ACSS3: variants seen among roughly 807,000 people sequenced by gnomAD.
ACSS3 encodes acyl-CoA synthetase short chain family member 3, also known as acyl-CoA synthetase short-chain family member 3, mitochondrial.
ACSS3 carries 64 observed loss-of-function variants against 84.2 expected under a neutral mutation model. The ratio of observed to expected loss-of-function variants is 0.76; its 90% CI spans 0.62 to 0.94. The LOEUF (loss-of-function observed/expected upper bound fraction) is 0.94, where lower values mean the gene tolerates loss of function less well. Among genes scored for constraint, ACSS3 ranks in the 40% least tolerant of loss-of-function variants. ACSS3 has a pLI of 0.00. For missense variants in ACSS3, 815 were observed against 867.6 expected (o/e 0.94, Z 0.76); for synonymous variants, 317 against 310.1 (o/e 1.02, Z -0.23).
At chr12:81,105,117 A>G (rs34429601) in intron 1 of ACSS3, among the ~76,000 whole-genome samples, 53,370 of 152,116 alleles carry the variant, frequency 0.35, 11,877 homozygotes, top group Non-Finnish European at 0.5. Context: ...TTCACTCTGA[A>G]TAAGAAAAAC....
At chr12:81,165,650 A>AT (rs1887367014) in intron 7 of ACSS3, among the ~76,000 whole-genome samples, 2 of 137,894 alleles carry the variant, frequency 1.5e-5, no homozygotes, top group South Asian at 4.7e-4. Flanking sequence ...TGTCTCAAAA[A>AT]GAAAAAAAAA....
At chr12:81,090,798 C>A (rs911585781) in intron 1 of ACSS3, among the ~76,000 whole-genome samples, 5 of 151,938 alleles carry the variant, frequency 3.3e-5, no homozygotes, top group African/African-American at 1.2e-4. Context: ...ATATATACTG[C>A]AAGTAGGGAA....
At chr12:81,253,869 G>T (rs957651320) in intron 15 of ACSS3, among the ~76,000 whole-genome samples, 199 bp downstream of exon 15, 9 of 152,088 alleles carry the variant, frequency 5.9e-5, no homozygotes, top group African/African-American at 2.2e-4. Context: ...AAGAAACTCA[G>T]ATTAGTTAAG....
intron 7 of ACSS3, among the ~76,000 whole-genome samples, chr12:81,162,059 A>T (rs544866281): frequency 1.3e-5 from 2 of 152,286 alleles, no homozygotes; most frequent in South Asian, 2.1e-4. Context: ...TAACATGACA[A>T]GCAGGGACGG....
intron 2 of ACSS3, among the ~76,000 whole-genome samples, chr12:81,132,806 T>C (rs1297195127): frequency 6.6e-6 from 1 of 152,140 alleles, no homozygotes; most frequent in African/African-American, 2.4e-5. Flanking sequence ...TTCAAGATGC[T>C]GAAGTCACAG....
At chr12:81,197,480 C>A (rs1399479032) in intron 8 of ACSS3, among the ~76,000 whole-genome samples, 1 of 152,032 alleles carries the variant, frequency 6.6e-6, no homozygotes, top group East Asian at 1.9e-4. Flanking sequence ...CTTTGTAATA[C>A]CCTCTCCCCA....
chr12:81,216,363 A>G (rs1245716858), intron 9 of ACSS3, among the ~76,000 whole-genome samples: 4 of 152,070 alleles, frequency 2.6e-5, no homozygotes, highest in Admixed American at 6.6e-5. Flanking sequence ...TGACGATATT[A>G]TCCATATATT....
chr12:81,175,830 G>C (rs2030430011), intron 8 of ACSS3, among the ~76,000 whole-genome samples: 1 of 152,148 alleles, frequency 6.6e-6, no homozygotes, highest in South Asian at 2.1e-4. Flanking sequence ...CAATATACCA[G>C]ATTCTCTGGG....
chr12:81,127,983 AT>A (rs1205536895), intron 2 of ACSS3, among the ~76,000 whole-genome samples: 1 of 152,100 alleles, frequency 6.6e-6, no homozygotes, highest in Non-Finnish European at 1.5e-5. Context: ...ATAACATAAA[AT>A]TTTTTATTAA....
chr12:81,151,002 C>T (rs575898465), intron 5 of ACSS3, among the ~76,000 whole-genome samples: 1 of 152,248 alleles, frequency 6.6e-6, no homozygotes, highest in African/African-American at 2.4e-5. Flanking sequence ...TGAGTATTCA[C>T]TCAGTTATGT....
chr12:81,157,537 G>A (rs1034028929), intron 7 of ACSS3, among the ~76,000 whole-genome samples: 17 of 152,126 alleles, frequency 1.1e-4, no homozygotes, highest in Non-Finnish European at 2.2e-4. Context: ...AGCTGGGCGC[G>A]GTGGCTCACG....
chr12:81,243,358 G>C (rs2033875352), intron 13 of ACSS3, among the ~76,000 whole-genome samples: 1 of 152,170 alleles, frequency 6.6e-6, no homozygotes, highest in Non-Finnish European at 1.5e-5. Context: ...TGAAATAAAA[G>C]AGGATACAAA....
intron 9 of ACSS3, among the ~76,000 whole-genome samples, chr12:81,201,740 C>T (rs1452491616): frequency 6.6e-6 from 1 of 152,178 alleles, no homozygotes; most frequent in African/African-American, 2.4e-5. Flanking sequence ...CCATTGTCCT[C>T]ATCCCGTTTG....
chr12:81,189,600 A>G (rs2031460699), intron 8 of ACSS3, among the ~76,000 whole-genome samples: 1 of 152,036 alleles, frequency 6.6e-6, no homozygotes, highest in Admixed American at 6.6e-5. Flanking sequence ...TTTGGATCCA[A>G]GTCCTTTACT....
chr12:81,122,457 C>G (rs569355950), intron 2 of ACSS3, among the ~76,000 whole-genome samples: 41 of 151,982 alleles, frequency 2.7e-4, no homozygotes, highest in Admixed American at 1.3e-4. Context: ...ATATAGCAGA[C>G]AACAGTGACA....
chr12:81,182,697 C>G (rs989261450), intron 8 of ACSS3, among the ~76,000 whole-genome samples: 19 of 152,176 alleles, frequency 1.2e-4, no homozygotes, highest in African/African-American at 4.3e-4. Context: ...AAGATTGTAA[C>G]CAAGCTGCTT....
intron 13 of ACSS3, among the ~76,000 whole-genome samples, chr12:81,245,106 T>C (rs2136000966): frequency 6.6e-6 from 1 of 152,316 alleles, no homozygotes; most frequent in South Asian, 2.1e-4. Context: ...TCTTAGTTGT[T>C]TCATGAACAT....
chr12:81,202,461 G>A lies in ACSS3; in HGVS notation c.1354+3017G>A, dbSNP rs7970202. Among the ~76,000 whole-genome samples the A allele has an allele frequency of 6.0e-3, 910 of 152,174 alleles. 3 individuals are homozygous for A. The highest frequency in any genetic ancestry group is 0.01 in the Middle Eastern group (3 of 294). Reference sequence around the variant, plus strand: ...TACAAGTGCATTAATGAGTTTCCTAGTTTTGTATATCAAATAGATGGTGGT... The same window carrying A: ...TACAAGTGCATTAATGAGTTTCCTAATTTTGTATATCAAATAGATGGTGGT... On this transcript the variant is annotated intron_variant, in intron 9 of 15. Transcript: ENST00000548058.
At chr12:81,114,808 C>T (rs1883902407) in intron 2 of ACSS3, among the ~76,000 whole-genome samples, 1 of 152,008 alleles carries the variant, frequency 6.6e-6, no homozygotes, top group African/African-American at 2.4e-5. Context: ...GAGAACAGAT[C>T]ACAAGAATAA....
Sources: allele counts gnomAD v4.1 joint callset (sites outside exome capture counted in the v4.1 genomes callset), GRCh38; gene constraint gnomAD v4.1.1; transcripts MANE v1.5; gene names NCBI Gene and HGNC (gene_info 2026-07-23, HGNC 2026-07-21).